The following BCAS3 variants were observed in gnomAD, a reference collection of about 807,000 sequenced individuals.
BCAS3 encodes the protein BCAS4/BCAS3 fusion.
BCAS3 carries 53 observed loss-of-function variants against 116.1 expected under a neutral mutation model. The observed-to-expected ratio is 0.46, with a 90% confidence interval of 0.37 to 0.57. The LOEUF is 0.57. Among genes scored for constraint, BCAS3 ranks in the 20% least tolerant of loss-of-function variants. The probability of loss-of-function intolerance (pLI) is 0.00; values close to 1 mark genes in which losing one functional copy is unlikely to be tolerated. For missense variants in BCAS3, 917 were observed against 1,165.4 expected (o/e 0.79, Z 3.10); for synonymous variants, 391 against 408.2 (o/e 0.96, Z 0.51).
rs2059561765 is a variant in BCAS3 at position 61,380,621 on chromosome 17, T to G, written c.2594-11356T>G. The G allele has an allele frequency of 3.2e-6, 5 of 1,558,948 alleles. No individual in the cohort carries two copies. The highest frequency in any genetic ancestry group is 4.4e-6 in the Non-Finnish European group (5 of 1,146,330). ...ATGTGGAAGGGGTTGTCCCGTTGCT[T>G]CTTTTGTCCCTCAAGAGGGTGCCCT... is the stretch of plus-strand genomic sequence containing the variant. On this transcript the variant is annotated intron_variant, in intron 23 of 23. Coordinates refer to ENST00000407086, the MANE Select transcript of BCAS3 (RefSeq NM_017679.5). This position sits in a 1 kb window ranked among gnomAD's most constrained non-coding sequence, Gnocchi z 4.2.
chr17:61,119,742 A>G (rs2075686674), intron 22 of BCAS3, among the ~76,000 whole-genome samples: 1 of 152,048 alleles, frequency 6.6e-6, no homozygotes, highest in South Asian at 2.1e-4. Context: ...CAGACAATAT[A>G]ATTTTTTCAC....
intron 6 of BCAS3, among the ~76,000 whole-genome samples, chr17:60,784,922 C>A (rs925111364): frequency 2.6e-5 from 4 of 151,810 alleles, no homozygotes; most frequent in Admixed American, 2.6e-4. Context: ...ATGGCAAAAC[C>A]CAGTCTCTAC....
chr17:61,160,450 T>C (rs1049083851), intron 22 of BCAS3, among the ~76,000 whole-genome samples: 4 of 152,276 alleles, frequency 2.6e-5, no homozygotes, highest in Admixed American at 2.0e-4. Context: ...CAGACAAGTA[T>C]GTCTCCCCTC....
rs573447607 is a variant in BCAS3, at chr17:61,020,910, A to C, written c.1637+5009A>C. Among the ~76,000 whole-genome samples, 1 of 152,220 alleles carries C rather than the reference A, an allele frequency of 6.6e-6. No homozygotes were observed. The highest frequency in any genetic ancestry group is 1.5e-5 in the Non-Finnish European group (1 of 68,032). ...ATAAAAAATATTAAAATTGAAAATG[A>C]AGTTACTTCCTTGCTCTTACTAGGT... On this transcript the variant is annotated intron_variant, in intron 16 of 23. Coordinates refer to ENST00000407086, the MANE Select transcript of BCAS3 (RefSeq NM_017679.5). This position sits in a 1 kb window ranked among gnomAD's most constrained non-coding sequence, Gnocchi z 4.5.
At chr17:60,937,616 A>G (rs999101961) in intron 13 of BCAS3, among the ~76,000 whole-genome samples, 1 of 152,214 alleles carries the variant, frequency 6.6e-6, no homozygotes, top group Admixed American at 6.5e-5. Context: ...AGAAATTCCT[A>G]CATTTCCATA....
At chr17:60,898,676 G>C (rs980330061) in intron 10 of BCAS3, among the ~76,000 whole-genome samples, 13 of 152,102 alleles carry the variant, frequency 8.5e-5, no homozygotes, top group Non-Finnish European at 4.4e-5. Context: ...GCTGATTGTT[G>C]GTCTTCCAGG....
rs2070556563 is a variant in BCAS3, at chr17:61,065,864, G to C, written c.2030-9056G>C. Reference sequence around the variant, plus strand: ...ATTTTTCACTTATAAATCAGTGTGAGTTTTAAATTTATAATTAAACTTACA... The same window carrying C: ...ATTTTTCACTTATAAATCAGTGTGACTTTTAAATTTATAATTAAACTTACA... On this transcript the variant is annotated intron_variant, in intron 19 of 23. Coordinates refer to ENST00000407086, the MANE Select transcript of BCAS3 (RefSeq NM_017679.5). This position sits in a 1 kb window ranked among gnomAD's most constrained non-coding sequence, Gnocchi z 4.8. Among the ~76,000 whole-genome samples, 1 of 152,138 alleles carries C rather than the reference G, an allele frequency of 6.6e-6. No homozygotes were observed. Among genetic ancestry groups the C allele is most frequent in the African/African-American group, 2.4e-5 (1 of 41,422 alleles).
Position 61,161,709 on chromosome 17 carries a change from C to T in BCAS3, c.2425+77145C>T, listed in dbSNP as rs977823244. ...GTTGCTGGTGGAGGGGAGTAGCCAG[C>T]GCCCCTCCCCTCAGCACACATACCA... On this transcript the variant is annotated intron_variant, in intron 22 of 23. Coordinates refer to ENST00000407086, the MANE Select transcript of BCAS3 (RefSeq NM_017679.5). The surrounding 1 kb of genome is among the most constrained non-coding windows in gnomAD (Gnocchi z 4.8). 1.3e-5 allele frequency among the ~76,000 whole-genome samples: 2 copies of T among 152,080 alleles called. No homozygotes were observed. The highest frequency in any genetic ancestry group is 4.8e-5 in the African/African-American group (2 of 41,384).
chr17:61,162,692 G>T lies in BCAS3; in HGVS notation c.2425+78128G>T, dbSNP rs968302832. Among the ~76,000 whole-genome samples, 1 of 152,166 alleles carries T rather than the reference G, an allele frequency of 6.6e-6. No individual in the cohort carries two copies. Among genetic ancestry groups the T allele is most frequent in the Non-Finnish European group, 1.5e-5 (1 of 68,040 alleles). On this transcript the variant is annotated intron_variant, in intron 22 of 23. Transcript: ENST00000407086. The surrounding 1 kb of genome is among the most constrained non-coding windows in gnomAD (Gnocchi z 5.6). ...AAAATAATAAGTAAACCAGTTCAGG[G>T]ATATACTTCTCTTTCTGAAACTGAT...
At chr17:61,154,958 A>C (rs1209909154) in intron 22 of BCAS3, among the ~76,000 whole-genome samples, 4 of 152,102 alleles carry the variant, frequency 2.6e-5, no homozygotes, top group Non-Finnish European at 5.9e-5. Context: ...GCAAAAGATA[A>C]ATCATTTCAG....
At chr17:60,760,705 T>C (rs1429248541) in intron 6 of BCAS3, among the ~76,000 whole-genome samples, 1 of 152,132 alleles carries the variant, frequency 6.6e-6, no homozygotes, top group African/African-American at 2.4e-5. Flanking sequence ...TTTTGCATTA[T>C]ATTTGGGGAT....
intron 19 of BCAS3, among the ~76,000 whole-genome samples, chr17:61,058,710 T>G (rs1283349274): frequency 6.6e-6 from 1 of 152,176 alleles, no homozygotes; most frequent in Non-Finnish European, 1.5e-5. Flanking sequence ...TTTTTCCCCA[T>G]TGTTTGATCA....
intron 16 of BCAS3, among the ~76,000 whole-genome samples, chr17:61,025,188 A>G (rs2066149067): frequency 6.6e-6 from 1 of 152,104 alleles, no homozygotes; most frequent in Admixed American, 6.6e-5. Flanking sequence ...TTAGTTATTT[A>G]AATCTGTGTT....
At position 61,215,586 on chromosome 17, in the gene BCAS3, C is replaced by G. The variant is rs1286956166; in HGVS notation, c.2425+131022C>G. ...CCACTGACTATAAAATACAGAGGAA[C>G]ATACTTTTTAAGCCACTTAAGCTCA... is the stretch of plus-strand genomic sequence containing the variant. On this transcript the variant is annotated intron_variant, in intron 22 of 23. Coordinates refer to ENST00000407086, the MANE Select transcript of BCAS3 (RefSeq NM_017679.5). The surrounding 1 kb of genome is among the most constrained non-coding windows in gnomAD (Gnocchi z 4.8). Among the ~76,000 whole-genome samples the G allele has an allele frequency of 6.6e-6, 1 of 152,180 alleles. No homozygotes were observed.
intron 7 of BCAS3, among the ~76,000 whole-genome samples, chr17:60,829,416 C>T (rs2050719637): frequency 6.6e-6 from 1 of 151,666 alleles, no homozygotes; most frequent in African/African-American, 2.4e-5. Context: ...ATCACTTGAA[C>T]CCAGGAGGCA....
chr17:60,705,208 T>G (rs909974494), intron 4 of BCAS3, among the ~76,000 whole-genome samples: 4 of 151,922 alleles, frequency 2.6e-5, no homozygotes, highest in African/African-American at 9.7e-5. Flanking sequence ...GGATTTACGA[T>G]AGATACCATC....
intron 15 of BCAS3, among the ~76,000 whole-genome samples, chr17:61,009,510 C>T (rs554475930): frequency 1.3e-5 from 2 of 152,118 alleles, no homozygotes; most frequent in South Asian, 4.2e-4. Flanking sequence ...TTCTGATCTA[C>T]AACTATTGTC....
chr17:60,936,140 A>T (rs1047654133), intron 13 of BCAS3, among the ~76,000 whole-genome samples: 1 of 151,312 alleles, frequency 6.6e-6, no homozygotes, highest in African/African-American at 2.4e-5. Context: ...TAGTTTGCTG[A>T]GAATGATGGT....
At position 61,106,280 on chromosome 17, in the gene BCAS3, A is replaced by T. The variant is rs942816080; in HGVS notation, c.2425+21716A>T. 1.3e-5 allele frequency among the ~76,000 whole-genome samples: 2 copies of T among 152,204 alleles called. No homozygotes were observed. Among genetic ancestry groups the T allele is most frequent in the African/African-American group, 4.8e-5 (2 of 41,462 alleles). On this transcript the variant is annotated intron_variant, in intron 22 of 23. Transcript: ENST00000407086. This position sits in a 1 kb window ranked among gnomAD's most constrained non-coding sequence, Gnocchi z 4.2. Reference sequence around the variant, plus strand: ...GACCTTTCAGTCAACAGTGGACCTTATATGCTCGTGCAACAGTGTTCCAGT... The same window carrying T: ...GACCTTTCAGTCAACAGTGGACCTTTTATGCTCGTGCAACAGTGTTCCAGT...
Sources: gnomAD v4.1 joint callset for allele counts (sites outside exome capture counted in the v4.1 genomes callset) on GRCh38, gnomAD v4.1.1 for gene constraint, Gnocchi (gnomAD v3.1) non-coding constraint, MANE v1.5 for transcripts, NCBI Gene and HGNC (gene_info 2026-07-23, HGNC 2026-07-21) for gene names.